SYT1: variants seen among roughly 807,000 people sequenced by gnomAD.
The protein encoded by SYT1 is synaptotagmin 1.
In SYT1, 8 loss-of-function variants were observed where a neutral mutation model predicts 44.8. The ratio of observed to expected loss-of-function variants is 0.18; its 90% CI spans 0.10 to 0.32. The LOEUF is 0.32. SYT1 is among the 10% of genes least tolerant of loss of function. The pLI is 1.00. For synonymous variants in SYT1, 154 were observed against 188.8 expected, an observed-to-expected ratio of 0.82 and a Z score of 1.51; for missense variants, 286 against 509.3, an observed-to-expected ratio of 0.56 and a Z score of 4.22.
intron 9 of SYT1, among the ~76,000 whole-genome samples, chr12:79,364,233 C>T (rs1402686892): frequency 6.6e-6 from 1 of 151,724 alleles, no homozygotes; most frequent in Non-Finnish European, 1.5e-5. Flanking sequence ...TCCCCCCTCC[C>T]CACCCCCTTT....
At chr12:79,252,456 G>A (rs1877276356) in intron 4 of SYT1, among the ~76,000 whole-genome samples, 1 of 152,078 alleles carries the variant, frequency 6.6e-6, no homozygotes, top group African/African-American at 2.4e-5. Flanking sequence ...GGGGCACTTG[G>A]CAGAATTGCA....
At chr12:79,040,768 A>C (rs1873496947) in intron 2 of SYT1, among the ~76,000 whole-genome samples, 1 of 152,080 alleles carries the variant, frequency 6.6e-6, no homozygotes, top group African/African-American at 2.4e-5. Flanking sequence ...TCTAACGTTT[A>C]AGTCTTTAAT....
At chr12:78,986,557 G>A (rs558663029) in intron 2 of SYT1, among the ~76,000 whole-genome samples, 13 of 151,830 alleles carry the variant, frequency 8.6e-5, no homozygotes, top group African/African-American at 2.4e-4. Context: ...ACAAAGTAAC[G>A]ATTATTTGGT....
intron 3 of SYT1, among the ~76,000 whole-genome samples, chr12:79,110,681 A>T (rs569715107): frequency 1.3e-5 from 2 of 152,292 alleles, no homozygotes; most frequent in East Asian, 3.9e-4. Context: ...ATTTTTTAAA[A>T]ATTTATAGCT....
chr12:79,324,011 C>T (rs111713740), intron 8 of SYT1, among the ~76,000 whole-genome samples: 1,491 of 141,346 alleles, frequency 0.011, 28 homozygotes, highest in African/African-American at 0.037. Flanking sequence ...AGTGCAGTGG[C>T]GCAATCTCAG....
chr12:78,885,748 G>A (rs1874715546), intron 1 of SYT1, among the ~76,000 whole-genome samples: 1 of 151,892 alleles, frequency 6.6e-6, no homozygotes. Flanking sequence ...GTTTTTATTT[G>A]GAATGAGAGG....
At chr12:79,448,280 G>T (rs182070259) in intron 10 of SYT1, among the ~76,000 whole-genome samples, 2 of 152,086 alleles carry the variant, frequency 1.3e-5, no homozygotes, top group Admixed American at 6.6e-5. Flanking sequence ...CTAAGAGAAC[G>T]TATGGATGAG....
At chr12:79,009,840 T>G (rs949575548) in intron 2 of SYT1, among the ~76,000 whole-genome samples, 5 of 152,166 alleles carry the variant, frequency 3.3e-5, no homozygotes, top group Admixed American at 6.6e-5. Context: ...TGTTTCTGAA[T>G]CTAGATTTGG....
At chr12:79,113,440 A>T (rs1879119220) in intron 3 of SYT1, among the ~76,000 whole-genome samples, 1 of 152,122 alleles carries the variant, frequency 6.6e-6, no homozygotes, top group East Asian at 1.9e-4. Flanking sequence ...TGACCAAAAA[A>T]ATTCTTAGAG....
At chr12:78,988,421 TTA>T (rs112363125) in intron 2 of SYT1, among the ~76,000 whole-genome samples, 6 of 147,102 alleles carry the variant, frequency 4.1e-5, no homozygotes, top group East Asian at 1.9e-4. Flanking sequence ...ATAATAAATA[TTA>T]TATATATATA....
chr12:79,050,218 G>C (rs1432289144), intron 3 of SYT1, among the ~76,000 whole-genome samples: 1 of 152,018 alleles, frequency 6.6e-6, no homozygotes, highest in Non-Finnish European at 1.5e-5. Flanking sequence ...TAAGAAAATT[G>C]TAAGGAAGAG....
chr12:78,867,736 A>G (rs1873617169), intron 1 of SYT1, among the ~76,000 whole-genome samples: 2 of 152,052 alleles, frequency 1.3e-5, no homozygotes, highest in South Asian at 4.1e-4. Flanking sequence ...TCATTTCATA[A>G]TGGAGAATAT....
chr12:79,296,186 G>A lies in SYT1; in HGVS notation c.592G>A (p.Val198Ile). The A allele has an allele frequency of 1.9e-6, 3 of 1,613,930 alleles. No homozygotes were observed. Among genetic ancestry groups the A allele is most frequent in the Non-Finnish European group, 1.7e-6 (2 of 1,179,908 alleles). The change falls in exon 7 of 11, where the codon GTC becomes ATC. Residue 198 changes from valine (V) to isoleucine (I), a missense_variant. This residue lies in a region of SYT1 where 81 missense variants were observed against 164.9 expected (regional missense o/e 0.49). Transcript: ENST00000261205. ...TAAGAAGAAGAAATTTGAGACAAAA[G>A]TCCACCGAAAAACCCTTAATCCTGT... is the stretch of plus-strand genomic sequence containing the variant. ...PDKKKKFETK[V>I]HRKTLNPVFN...
chr12:79,271,973 T>C (rs1216525687), intron 4 of SYT1, among the ~76,000 whole-genome samples: 6 of 152,232 alleles, frequency 3.9e-5, no homozygotes, highest in Non-Finnish European at 1.5e-5. Context: ...CTCAATGTAT[T>C]GTATCACATA....
At chr12:79,039,985 G>GT (rs1457447665) in intron 2 of SYT1, among the ~76,000 whole-genome samples, 1 of 148,928 alleles carries the variant, frequency 6.7e-6, no homozygotes, top group Non-Finnish European at 1.5e-5. Context: ...GTATTCCATG[G>GT]TGTATATGTG....
chr12:79,152,296 A>T (rs1355377613), intron 3 of SYT1, among the ~76,000 whole-genome samples: 1 of 152,124 alleles, frequency 6.6e-6, no homozygotes, highest in Non-Finnish European at 1.5e-5. Flanking sequence ...GGAGAGAGGG[A>T]GATGCAGGAC....
At chr12:79,325,333 G>A (rs1303535054) in intron 8 of SYT1, among the ~76,000 whole-genome samples, 1 of 151,936 alleles carries the variant, frequency 6.6e-6, no homozygotes, top group Non-Finnish European at 1.5e-5. Context: ...CACCTTCCTA[G>A]GTAGGAAAAA....
At chr12:78,879,423 A>G (rs1874339855) in intron 1 of SYT1, among the ~76,000 whole-genome samples, 1 of 151,782 alleles carries the variant, frequency 6.6e-6, no homozygotes, top group Non-Finnish European at 1.5e-5. Flanking sequence ...GCAACCACCT[A>G]CATGGCAGAT....
intron 2 of SYT1, among the ~76,000 whole-genome samples, chr12:78,988,958 T>A (rs1174699635): frequency 6.6e-6 from 1 of 152,124 alleles, no homozygotes; most frequent in Non-Finnish European, 1.5e-5. Context: ...CTTATGGCTG[T>A]ACACTACTGA....
Sources: allele counts gnomAD v4.1 joint callset (sites outside exome capture counted in the v4.1 genomes callset), GRCh38; gene constraint gnomAD v4.1.1; regional missense constraint gnomAD v4.1.1; transcripts MANE v1.5; gene names NCBI Gene and HGNC (gene_info 2026-07-23, HGNC 2026-07-21).